Variants in STXBP5L observed in about 807,000 individuals in gnomAD.
The protein encoded by STXBP5L is syntaxin-binding protein 5-like.
In STXBP5L, 65 loss-of-function variants were observed where a neutral mutation model predicts 144.5. The observed-to-expected ratio is 0.45, with a 90% CI of 0.37 to 0.55. The LOEUF (loss-of-function observed/expected upper bound fraction) is 0.55, where lower values mean the gene tolerates loss of function less well. Ranked by LOEUF, STXBP5L falls within the 20% of genes least tolerant of loss-of-function variation. The pLI is 0.00. For missense variants in STXBP5L, 1,298 were observed against 1,405.5 expected, an observed-to-expected ratio of 0.92 and a Z score of 1.22; for synonymous variants, 505 against 469.6, an observed-to-expected ratio of 1.08 and a Z score of -0.97.
chr3:121,027,344 G>A (rs1328491186), intron 3 of STXBP5L, among the ~76,000 whole-genome samples: 2 of 152,024 alleles, frequency 1.3e-5, no homozygotes, highest in Non-Finnish European at 2.9e-5. Flanking sequence ...GGATATCAGG[G>A]TCAAGAGGAA....
At chr3:121,348,465 G>A (rs1259588494) in intron 20 of STXBP5L, among the ~76,000 whole-genome samples, 1 of 152,066 alleles carries the variant, frequency 6.6e-6, no homozygotes, top group Non-Finnish European at 1.5e-5. Flanking sequence ...GATGATGCTG[G>A]CCTCATAAAA....
chr3:121,331,283 G>T (rs2044313368), intron 20 of STXBP5L, among the ~76,000 whole-genome samples: 1 of 152,182 alleles, frequency 6.6e-6, no homozygotes, highest in Non-Finnish European at 1.5e-5. Context: ...GGGTGCTCAT[G>T]AAAGATCTTT....
chr3:121,413,346 G>A, intron 24 of STXBP5L, 23 bp downstream of exon 24: 4 of 1,500,766 alleles, frequency 2.7e-6, no homozygotes, highest in South Asian at 1.4e-5. Context: ...TTACATTTAT[G>A]AAAAAGACAT....
At chr3:121,052,363 A>C (rs572042936) in intron 5 of STXBP5L, among the ~76,000 whole-genome samples, 91 of 152,272 alleles carry the variant, frequency 6.0e-4, no homozygotes, top group Middle Eastern at 6.8e-3. Flanking sequence ...ACTGGCAAAC[A>C]GAATCCAGCA....
At chr3:121,094,077 C>T (rs1390270291) in intron 5 of STXBP5L, among the ~76,000 whole-genome samples, 6 of 151,988 alleles carry the variant, frequency 3.9e-5, no homozygotes, top group Admixed American at 1.3e-4. Flanking sequence ...TGTAGTTGAG[C>T]GGTTTTGAGT....
intron 5 of STXBP5L, among the ~76,000 whole-genome samples, chr3:121,067,059 A>G (rs2041583857): frequency 6.6e-6 from 1 of 152,004 alleles, no homozygotes; most frequent in African/African-American, 2.4e-5. Context: ...TTTTTGAGTT[A>G]TCTTTTTTAA....
intron 3 of STXBP5L, among the ~76,000 whole-genome samples, chr3:120,984,191 A>C (rs1942069934): frequency 6.6e-6 from 1 of 152,194 alleles, no homozygotes; most frequent in African/African-American, 2.4e-5. Context: ...TCAGCTCAGA[A>C]ATCACAGGTC....
chr3:120,994,641 C>G (rs1255757929), intron 3 of STXBP5L, among the ~76,000 whole-genome samples: 1 of 152,222 alleles, frequency 6.6e-6, no homozygotes, highest in South Asian at 2.1e-4. Flanking sequence ...CCTACTTGAT[C>G]ATGCTATATT....
At chr3:120,965,096 C>T (rs1039726956) in intron 3 of STXBP5L, among the ~76,000 whole-genome samples, 1 of 152,024 alleles carries the variant, frequency 6.6e-6, no homozygotes, top group African/African-American at 2.4e-5. Context: ...ATTGCAACCC[C>T]TGGTTTTTTT....
At chr3:121,364,888 T>C (rs1460244999) in intron 20 of STXBP5L, among the ~76,000 whole-genome samples, 19 of 151,916 alleles carry the variant, frequency 1.3e-4, no homozygotes, top group Admixed American at 1.2e-3. Context: ...AGATAATTTC[T>C]TTCTATTTCT....
intron 19 of STXBP5L, among the ~76,000 whole-genome samples, chr3:121,311,651 C>T (rs1448811224): frequency 1.3e-5 from 2 of 152,100 alleles, no homozygotes; most frequent in East Asian, 3.8e-4. Flanking sequence ...TGAAGGACCT[C>T]TTCAAGGAGA....
chr3:121,093,480 T>G (rs2042939170), intron 5 of STXBP5L, among the ~76,000 whole-genome samples: 1 of 152,220 alleles, frequency 6.6e-6, no homozygotes, highest in African/African-American at 2.4e-5. Flanking sequence ...GAGATTCAAC[T>G]TCTTCCTGGT....
At chr3:121,106,576 C>T (rs181135960) in intron 5 of STXBP5L, among the ~76,000 whole-genome samples, 1 of 152,230 alleles carries the variant, frequency 6.6e-6, no homozygotes, top group East Asian at 1.9e-4. Context: ...ATCATGATCT[C>T]ATTCTTTTTT....
chr3:121,171,725 C>G (rs1024662294), intron 9 of STXBP5L, among the ~76,000 whole-genome samples: 2 of 151,924 alleles, frequency 1.3e-5, no homozygotes, highest in African/African-American at 4.8e-5. Flanking sequence ...GAAAAGCATT[C>G]CATGCTGACG....
intron 10 of STXBP5L, among the ~76,000 whole-genome samples, chr3:121,208,562 CATT>C (rs747977616): frequency 1.1e-3 from 173 of 152,092 alleles, no homozygotes; most frequent in Non-Finnish European, 2.3e-3. Flanking sequence ...CAAATTTAAT[CATT>C]ATTAATGGAA....
At chr3:121,361,993 G>T (rs61227165) in intron 20 of STXBP5L, among the ~76,000 whole-genome samples, 1,837 of 152,318 alleles carry the variant, frequency 0.012, 38 homozygotes, top group African/African-American at 0.042. Flanking sequence ...AGCTGTATCT[G>T]CTTTGGGGGC....
intron 19 of STXBP5L, among the ~76,000 whole-genome samples, chr3:121,292,912 AGAT>A (rs1319343260): frequency 6.6e-6 from 1 of 152,216 alleles, no homozygotes; most frequent in East Asian, 1.9e-4. Context: ...GAGGGATAAA[AGAT>A]GACACATTGG....
intron 3 of STXBP5L, among the ~76,000 whole-genome samples, chr3:120,970,256 TTA>T (rs956306127): frequency 1.1e-4 from 16 of 152,118 alleles, no homozygotes; most frequent in African/African-American, 3.9e-4. Flanking sequence ...ATATTCTGAA[TTA>T]GTCTTTTTTT....
intron 20 of STXBP5L, among the ~76,000 whole-genome samples, chr3:121,354,716 G>A (rs1003289613): frequency 6.6e-6 from 1 of 151,834 alleles, no homozygotes; most frequent in African/African-American, 2.4e-5. Context: ...TGTTATGTGT[G>A]AATTTGATCC....
Sources: allele counts gnomAD v4.1 joint callset (sites outside exome capture counted in the v4.1 genomes callset), GRCh38; gene constraint gnomAD v4.1.1; transcripts MANE v1.5; gene names NCBI Gene and HGNC (gene_info 2026-07-23, HGNC 2026-07-21).